Variants in PTRH1 observed in about 807,000 individuals in gnomAD.
The protein encoded by PTRH1 is peptidyl-tRNA hydrolase 1 homolog, also known as peptidyl-tRNA hydrolase.
Under a neutral mutation model 15.7 loss-of-function variants are expected in PTRH1, and 13 were observed. The observed-to-expected ratio is 0.83, with a 90% CI of 0.54 to 1.31. The LOEUF is 1.31. PTRH1 is among the 40% of genes most tolerant of loss of function. The pLI is 0.00. For missense variants in PTRH1, 319 were observed against 296.2 expected (o/e 1.08, Z -0.56); for synonymous variants, 139 against 136.7 (o/e 1.02, Z -0.12).
At chr9:127,713,486 C>A, downstream of PTRH1, 1 of 409,868 alleles carries the variant, frequency 2.4e-6, no homozygotes, top group Non-Finnish European at 4.3e-6. Flanking sequence ...GCTTCCAAGC[C>A]AGCATCTTTC....
intron 1 of PTRH1, among the ~76,000 whole-genome samples, chr9:127,704,535 G>GA (rs963118840): frequency 2.0e-5 from 3 of 148,382 alleles, no homozygotes; most frequent in South Asian, 2.1e-4. Flanking sequence ...AAAAGAAAAA[G>GA]AAAAAAAATG....
chr9:127,702,155 C>T (rs1451637644), intron 1 of PTRH1, among the ~76,000 whole-genome samples: 5 of 152,026 alleles, frequency 3.3e-5, no homozygotes, highest in African/African-American at 9.7e-5. Context: ...GGGCGGATCA[C>T]GAGGTCAGGA....
chr9:127,714,350 C>G (rs1842857076), intron 4 of PTRH1, 29 bp downstream of exon 4: 1 of 1,614,052 alleles, frequency 6.2e-7, no homozygotes, highest in Non-Finnish European at 8.5e-7. Flanking sequence ...CCCACCCGAC[C>G]CAGTTGCACA....
chr9:127,711,689 C>T (rs2131590470), downstream of PTRH1: 1 of 1,207,564 alleles, frequency 8.3e-7, no homozygotes, highest in South Asian at 1.6e-5. Context: ...GCCCCCATAA[C>T]TTATGGAAGC....
chr9:127,699,224 C>G (rs1842585290), intron 1 of PTRH1, among the ~76,000 whole-genome samples: 1 of 152,208 alleles, frequency 6.6e-6, no homozygotes, highest in South Asian at 2.1e-4. Flanking sequence ...GCCAAAATGC[C>G]CAAGGAACCC....
rs141557053 is a variant in PTRH1 at position 127,715,565 on chromosome 9, G to C, written c.75C>G (p.Arg25=). 1.3e-4 allele frequency: 210 copies of C among 1,613,534 alleles called. No homozygotes were observed. In the African/African-American group the frequency reaches 2.2e-3, roughly 17 times the overall value. The change falls in exon 1 of 5, where the codon CGC becomes CGG. Residue 25 remains arginine, a synonymous_variant. Transcript: ENST00000543175. This position sits in a 1 kb window ranked among gnomAD's most constrained non-coding sequence, Gnocchi z 5.8. ...TCACCATCCACCGCTTCCCCGGGGG[G>C]CGAGGCTCCAAAACACATCGGCTCA... ...RAMSRCVLEP[R]PPGKRWMVAG...
chr9:127,702,046 AC>A (rs1428308969), intron 1 of PTRH1, among the ~76,000 whole-genome samples: 1 of 151,024 alleles, frequency 6.6e-6, no homozygotes, highest in African/African-American at 2.4e-5. Context: ...AAACAGGGAG[AC>A]CCCCGTCTCT....
downstream of PTRH1, chr9:127,709,834 C>T (rs1262457094): frequency 7.8e-6 from 8 of 1,030,346 alleles, no homozygotes; most frequent in Admixed American, 2.7e-5. The surrounding 1 kb of genome is among the most constrained non-coding windows in gnomAD (Gnocchi z 4.7). Flanking sequence ...AGCAATCCTA[C>T]GAAGCTGGAA....
chr9:127,712,131 C>G, downstream of PTRH1: 1 of 1,582,358 alleles, frequency 6.3e-7, no homozygotes. Context: ...TGGCAGGGCC[C>G]CTGGCCCCAG....
chr9:127,707,437 G>A (rs780405659), intron 1 of PTRH1, among the ~76,000 whole-genome samples: 3 of 152,066 alleles, frequency 2.0e-5, no homozygotes, highest in Non-Finnish European at 4.4e-5. Flanking sequence ...ATGCTAGCTC[G>A]TGGCCCCACC....
rs530546786 is a variant in PTRH1, at chr9:127,715,427, G to C, written c.96+117C>G. On this transcript the variant is annotated intron_variant, in intron 1 of 4. Transcript: ENST00000543175. The surrounding 1 kb of genome is among the most constrained non-coding windows in gnomAD (Gnocchi z 5.8). ...AGAAGTTTGGAGCCCGTCGAGCACTGAACTCACCAGTTAAGAAAACAGAGC... is the reference window on the plus strand; with the variant it reads ...AGAAGTTTGGAGCCCGTCGAGCACTCAACTCACCAGTTAAGAAAACAGAGC... 7 of 1,445,130 alleles carry C rather than the reference G, an allele frequency of 4.8e-6. No homozygotes were observed. The African/African-American group carries it at 5.6e-5, about 12-fold the overall frequency. The allele number at this position is 1,445,130 out of a possible 1,614,324, so 89.5% of individuals were successfully genotyped here.
chr9:127,715,203 G>T lies in PTRH1; in HGVS notation c.97-9C>A. 2 of 1,525,112 alleles carry T rather than the reference G, an allele frequency of 1.3e-6. No homozygotes were observed. The highest frequency in any genetic ancestry group is 1.8e-6 in the Non-Finnish European group (2 of 1,139,682). The allele number at this position is 1,525,112 out of a possible 1,614,324, so 94.5% of individuals were successfully genotyped here. A position where few individuals can be genotyped will look rare whatever the true frequency, so the allele number is the denominator to read the frequency against. On this transcript the variant is annotated splice_polypyrimidine_tract_variant and intron_variant, in intron 1 of 4. Transcript: ENST00000543175. This position sits in a 1 kb window ranked among gnomAD's most constrained non-coding sequence, Gnocchi z 5.8. ...TTCCCCAGGCCAGCCACCTGCGGGC[G>T]GCACCAGGGAAACTGAGGCCCAACA...
intron 1 of PTRH1, among the ~76,000 whole-genome samples, chr9:127,704,322 C>T (rs368627662): frequency 4.6e-5 from 7 of 151,748 alleles, no homozygotes; most frequent in South Asian, 2.1e-4. Context: ...CTGGGCAACA[C>T]GATGAAACTC....
chr9:127,709,684 ATCATCC>A (rs1267327768), downstream of PTRH1: 3 of 1,613,038 alleles, frequency 1.9e-6, no homozygotes, highest in African/African-American at 4.0e-5. This position sits in a 1 kb window ranked among gnomAD's most constrained non-coding sequence, Gnocchi z 4.7. Context: ...CACGGAGAAC[ATCATCC>A]TTGGTGAGGA....
intron 1 of PTRH1, among the ~76,000 whole-genome samples, chr9:127,706,295 G>A (rs1007364093): frequency 2.0e-5 from 3 of 151,378 alleles, no homozygotes; most frequent in African/African-American, 4.9e-5. Context: ...CCCTGCCCCT[G>A]CCCCAAGGGT....
At chr9:127,695,368 C>T in intron 1 of PTRH1, 1 of 507,236 alleles carries the variant, frequency 2.0e-6, no homozygotes, top group Non-Finnish European at 3.4e-6. Context: ...TATAAAGCTT[C>T]AATGTTGCAG....
At chr9:127,704,058 C>G (rs1004078616) in intron 1 of PTRH1, among the ~76,000 whole-genome samples, 1 of 152,210 alleles carries the variant, frequency 6.6e-6, no homozygotes, top group Non-Finnish European at 1.5e-5. Flanking sequence ...TTTGACCACA[C>G]CTGCCTAGAG....
In PTRH1 at chr9:127,705,543, G is replaced by A. The variant is rs970784543; in HGVS notation, c.205+9892C>T. Among the ~76,000 whole-genome samples the A allele has an allele frequency of 8.5e-5, 13 of 152,360 alleles. No homozygotes were observed. The highest frequency in any genetic ancestry group is 2.9e-4 in the African/African-American group (12 of 41,584). On this transcript the variant is annotated intron_variant, in intron 1 of 2. Coordinates refer to the PTRH1 transcript ENST00000335223. The surrounding 1 kb of genome is among the most constrained non-coding windows in gnomAD (Gnocchi z 4.7). ...ACCCTCTGTGGGCTCCAGGCTGCCC[G>A]AGGGGCTGTGGGCCCCATTAAGCTG...
chr9:127,707,020 T>C lies in PTRH1; in HGVS notation c.205+8415A>G, dbSNP rs774687086. 5.0e-6 allele frequency: 8 copies of C among 1,612,826 alleles called. No homozygotes were observed. The African/African-American group carries it at 5.3e-5, about 11-fold the overall frequency. On this transcript the variant is annotated intron_variant, in intron 1 of 2. Coordinates refer to the PTRH1 transcript ENST00000335223. ...CTCTTCCTGGGGCCTGGAGCCCTGG[T>C]TGCCATCAGCCATGGCTCCCAAAAA...
Sources: gnomAD v4.1 joint callset for allele counts (sites outside exome capture counted in the v4.1 genomes callset) on GRCh38, gnomAD v4.1.1 for gene constraint, Gnocchi (gnomAD v3.1) non-coding constraint, MANE v1.5 for transcripts, NCBI Gene and HGNC (gene_info 2026-07-23, HGNC 2026-07-21) for gene names.